The following BRINP1 variants were observed in gnomAD, a reference collection of about 807,000 sequenced individuals.
The protein encoded by BRINP1 is BMP/retinoic acid inducible neural specific 1, also known as BMP/retinoic acid-inducible neural-specific protein 1.
A neutral mutation model predicts 72.9 loss-of-function variants in BRINP1; 17 were observed. That is an observed-to-expected ratio of 0.23 (90% CI 0.16 to 0.35). The LOEUF (loss-of-function observed/expected upper bound fraction) is 0.35, where lower values mean the gene tolerates loss of function less well. BRINP1 is among the 10% of genes least tolerant of loss of function. The pLI is 1.00. For missense variants in BRINP1, 850 were observed against 1,001.6 expected, an observed-to-expected ratio of 0.85 and a Z score of 2.04; for synonymous variants, 418 against 378.5, an observed-to-expected ratio of 1.10 and a Z score of -1.21.
intron 1 of BRINP1, among the ~76,000 whole-genome samples, chr9:119,326,825 C>T (rs1831246254): frequency 1.3e-5 from 2 of 152,158 alleles, no homozygotes; most frequent in Admixed American, 6.5e-5. Flanking sequence ...CAGGATACGT[C>T]CAGGGTTCTG....
At chr9:119,292,433 A>T (rs1289140167) in intron 2 of BRINP1, among the ~76,000 whole-genome samples, 2 of 152,164 alleles carry the variant, frequency 1.3e-5, no homozygotes, top group African/African-American at 4.8e-5. Flanking sequence ...TACAATTAGC[A>T]CCTTCAGCTA....
In BRINP1 at chr9:119,214,045, G is replaced by A. The variant is rs200408921; in HGVS notation, c.796C>T (p.Arg266Cys). The change falls in exon 6 of 8, where the codon CGC becomes TGC. Residue 266 changes from arginine (R) to cysteine (C), a missense_variant. Coordinates refer to ENST00000265922, the MANE Select transcript of BRINP1 (RefSeq NM_014618.3). Reference protein sequence around the residue: ...GEYLCQNSQCRCQCAEEFPQC... With the variant: ...GEYLCQNSQCCCQCAEEFPQC... ...GGAAACTCCTCGGCACATTGGCAGC[G>A]ACACTGGCTGTTCTGGCACAGGTAC... is the stretch of plus-strand genomic sequence containing the variant. The A allele has an allele frequency of 3.1e-6, 5 of 1,614,096 alleles. No individual in the cohort carries two copies. Among genetic ancestry groups the A allele is most frequent in the Middle Eastern group, 1.6e-4 (1 of 6,062 alleles).
intron 1 of BRINP1, among the ~76,000 whole-genome samples, chr9:119,342,638 G>A (rs1831416538): frequency 1.3e-5 from 2 of 152,178 alleles, no homozygotes; most frequent in Non-Finnish European, 2.9e-5. Context: ...TCTAGACACC[G>A]TATGCCTGGT....
At chr9:119,222,235 T>G (rs1270577590) in intron 5 of BRINP1, among the ~76,000 whole-genome samples, 1 of 152,210 alleles carries the variant, frequency 6.6e-6, no homozygotes, top group Admixed American at 6.5e-5. Flanking sequence ...AAGCATTCAC[T>G]TTGGCAAATC....
chr9:119,219,646 T>TGAGAGAGAGA (rs57623423), intron 5 of BRINP1, among the ~76,000 whole-genome samples: 76 of 125,906 alleles, frequency 6.0e-4, no homozygotes, highest in African/African-American at 1.5e-3. Flanking sequence ...TACTGTTTAC[T>TGAGAGAGAGA]GAGAGAGAGA....
At chr9:119,337,207 C>A (rs10984494) in intron 1 of BRINP1, among the ~76,000 whole-genome samples, 38,825 of 152,060 alleles carry the variant, frequency 0.26, 6,006 homozygotes, top group Non-Finnish European at 0.34. Context: ...GAATTTTTAG[C>A]GCATCACCAC....
intron 2 of BRINP1, among the ~76,000 whole-genome samples, chr9:119,287,956 G>A (rs1466362280): frequency 1.3e-5 from 2 of 151,898 alleles, no homozygotes; most frequent in Non-Finnish European, 2.9e-5. Flanking sequence ...GTTTATCTAT[G>A]TAACAAACCT....
In BRINP1 at chr9:119,368,095, AC is replaced by A. The variant is rs1055003023; in HGVS notation, c.-51+960del. 1.3e-5 allele frequency among the ~76,000 whole-genome samples: 2 copies of A among 152,164 alleles called. No homozygotes were observed. The highest frequency in any genetic ancestry group is 4.8e-5 in the African/African-American group (2 of 41,452). On this transcript the variant is annotated intron_variant, in intron 1 of 7. Transcript: ENST00000265922. The surrounding 1 kb of genome is among the most constrained non-coding windows in gnomAD (Gnocchi z 4.7). ...GTGATGGATGAGCAAGTCCCCGAGGACGCTTTCTCCTTTCCCCTGAGGGGGA... is the reference window on the plus strand; with the variant it reads ...GTGATGGATGAGCAAGTCCCCGAGGAGCTTTCTCCTTTCCCCTGAGGGGGA...
rs200548899 is a variant in BRINP1 at position 119,234,667 on chromosome 9, G to GT, written c.685+3987dup. ...TTAGCCTTTTTTTCTTATACTTAGT[G>GT]TTTTTTTGCATCCTACTGAATAAAA... On this transcript the variant is annotated intron_variant, in intron 5 of 7. Coordinates refer to ENST00000265922, the MANE Select transcript of BRINP1 (RefSeq NM_014618.3). Among the ~76,000 whole-genome samples the GT allele has an allele frequency of 6.7e-3, 1,008 of 151,364 alleles. 13 individuals are homozygous for GT. The highest frequency in any genetic ancestry group is 0.023 in the African/African-American group (954 of 41,372).
At chr9:119,278,685 C>A (rs747830674) in intron 2 of BRINP1, among the ~76,000 whole-genome samples, 4 of 152,210 alleles carry the variant, frequency 2.6e-5, no homozygotes, top group Admixed American at 2.0e-4. Flanking sequence ...GTCAAGAGAT[C>A]GAGACCATTC....
intron 5 of BRINP1, among the ~76,000 whole-genome samples, chr9:119,214,587 TAA>T (rs57097317): frequency 7.6e-4 from 110 of 144,012 alleles, no homozygotes; most frequent in South Asian, 4.3e-3. Flanking sequence ...CCTGTAGAGA[TAA>T]AAAAAAAAAA....
intron 7 of BRINP1, among the ~76,000 whole-genome samples, chr9:119,195,969 A>G (rs930594077): frequency 2.0e-5 from 3 of 152,258 alleles, no homozygotes; most frequent in African/African-American, 4.8e-5. Flanking sequence ...TAAATTTGAA[A>G]CATATGAAAA....
chr9:119,170,993 GA>G (rs1371838990), intron 7 of BRINP1, among the ~76,000 whole-genome samples: 2 of 143,902 alleles, frequency 1.4e-5, no homozygotes, highest in Non-Finnish European at 3.0e-5. Flanking sequence ...GCTAAACATG[GA>G]AAGGAACAAC....
intron 1 of BRINP1, among the ~76,000 whole-genome samples, chr9:119,324,818 G>A (rs1442582180): frequency 6.6e-6 from 1 of 152,156 alleles, no homozygotes; most frequent in Non-Finnish European, 1.5e-5. Context: ...ACCTTGGAAT[G>A]GCCGGGCACA....
At chr9:119,365,158 A>T (rs1396444578) in intron 1 of BRINP1, among the ~76,000 whole-genome samples, 1 of 152,228 alleles carries the variant, frequency 6.6e-6, no homozygotes, top group Non-Finnish European at 1.5e-5. Context: ...GGTACAGAAA[A>T]ATCAGGTGAT....
intron 2 of BRINP1, among the ~76,000 whole-genome samples, chr9:119,264,491 T>C (rs1034992677): frequency 2.0e-5 from 3 of 152,192 alleles, no homozygotes; most frequent in African/African-American, 7.2e-5. Context: ...TAGGAAACTC[T>C]CTCGATTTAT....
intron 1 of BRINP1, among the ~76,000 whole-genome samples, chr9:119,361,385 T>A (rs1274988282): frequency 6.6e-6 from 1 of 152,190 alleles, no homozygotes; most frequent in Non-Finnish European, 1.5e-5. Flanking sequence ...GACAGTGGGT[T>A]TCATGTTAAC....
At chr9:119,317,315 A>G (rs918211670) in intron 1 of BRINP1, among the ~76,000 whole-genome samples, 1 of 152,166 alleles carries the variant, frequency 6.6e-6, no homozygotes, top group African/African-American at 2.4e-5. Flanking sequence ...ATGAATGATC[A>G]TGAGGGGTTC....
At chr9:119,174,677 T>C (rs1278549365) in intron 7 of BRINP1, among the ~76,000 whole-genome samples, 1 of 150,720 alleles carries the variant, frequency 6.6e-6, no homozygotes, top group African/African-American at 2.5e-5. Flanking sequence ...CGTATGTTTA[T>C]TGCGGCATTA....
Sources: gnomAD v4.1 joint callset for allele counts (sites outside exome capture counted in the v4.1 genomes callset) on GRCh38, gnomAD v4.1.1 for gene constraint, Gnocchi (gnomAD v3.1) non-coding constraint, MANE v1.5 for transcripts, NCBI Gene and HGNC (gene_info 2026-07-23, HGNC 2026-07-21) for gene names.